FBXL13: variants seen among roughly 807,000 people sequenced by gnomAD.
FBXL13 encodes F-box and leucine rich repeat protein 13.
FBXL13 carries 67 observed loss-of-function variants against 83.6 expected under a neutral mutation model. The ratio of observed to expected loss-of-function variants is 0.80; its 90% CI spans 0.66 to 0.98. The LOEUF (loss-of-function observed/expected upper bound fraction) is 0.98, where lower values mean the gene tolerates loss of function less well. Among genes scored for constraint, FBXL13 ranks in the 50% least tolerant of loss-of-function variants. The pLI is 0.00. For missense variants in FBXL13, 822 were observed against 866.5 expected (o/e 0.95, Z 0.64); for synonymous variants, 272 against 299.5 (o/e 0.91, Z 0.95).
At position 103,020,783 on chromosome 7, in the gene FBXL13, G is replaced by T. The variant is rs542004016; in HGVS notation, c.495+4280C>A. 5.4e-4 allele frequency among the ~76,000 whole-genome samples: 82 copies of T among 152,322 alleles called. 1 individual carries two copies. The South Asian group carries it at 0.016, about 30-fold the overall frequency. ...TAGGAATCCAACTTACAAGAAATGT[G>T]AAGGACCTCTTCGAGGAGAACTACA... On this transcript the variant is annotated intron_variant, in intron 6 of 19. Coordinates refer to ENST00000313221, the Ensembl canonical transcript of FBXL13.
intron 2 of FBXL13, among the ~76,000 whole-genome samples, chr7:103,049,645 G>A (rs1796609282): frequency 6.6e-6 from 1 of 152,148 alleles, no homozygotes; most frequent in South Asian, 2.1e-4. Context: ...AAGGATCTCT[G>A]GTGCCTCCTG....
chr7:102,888,416 A>G (rs1811083228), intron 11 of FBXL13, among the ~76,000 whole-genome samples: 1 of 152,218 alleles, frequency 6.6e-6, no homozygotes, highest in Non-Finnish European at 1.5e-5. Flanking sequence ...GCACACGCCT[A>G]TAGTCCCAGC....
Position 102,973,542 on chromosome 7 carries a change from G to A in FBXL13, c.496-5425C>T, listed in dbSNP as rs368561576. The A allele has an allele frequency of 3.3e-5, 25 of 764,576 alleles. No individual in the cohort carries two copies. In the African/African-American group the frequency reaches 4.1e-4, roughly 12 times the overall value. 47.4% of individuals were successfully genotyped at this position (764,576 alleles called of 1,614,324 possible). On this transcript the variant is annotated intron_variant, in intron 6 of 19. Transcript: ENST00000313221. Reference sequence around the variant, plus strand: ...CTGCACCCAGGCGCTCATTAAAACAGCAGGTTGCTCCACACTGCCTCGTGT... The same window carrying A: ...CTGCACCCAGGCGCTCATTAAAACAACAGGTTGCTCCACACTGCCTCGTGT...
intron 14 of FBXL13, 95 bp downstream of exon 15, chr7:102,883,210 A>C: frequency 4.0e-6 from 5 of 1,246,982 alleles, no homozygotes; most frequent in Non-Finnish European, 5.5e-6. Context: ...CTTGACTTTC[A>C]TGTTTACCCC....
chr7:102,999,124 T>TA (rs1291800792), intron 6 of FBXL13, among the ~76,000 whole-genome samples: 2 of 152,110 alleles, frequency 1.3e-5, no homozygotes, highest in African/African-American at 4.8e-5. Flanking sequence ...GTTTTTTTTT[T>TA]ATCATAAAAG....
chr7:103,039,609 C>T (rs1585501223), intron 2 of FBXL13, among the ~76,000 whole-genome samples: 1 of 152,046 alleles, frequency 6.6e-6, no homozygotes, highest in Non-Finnish European at 1.5e-5. Context: ...GGAAGCACAT[C>T]AGACTAACAG....
At chr7:103,020,108 T>C (rs944251956) in intron 6 of FBXL13, among the ~76,000 whole-genome samples, 5 of 152,116 alleles carry the variant, frequency 3.3e-5, no homozygotes, top group African/African-American at 1.2e-4. Context: ...CAGCAGCATA[T>C]CAAAAAGCTT....
chr7:102,978,018 G>A (rs1001697110), intron 6 of FBXL13, among the ~76,000 whole-genome samples: 48 of 152,056 alleles, frequency 3.2e-4, no homozygotes, highest in Admixed American at 2.4e-3. Context: ...TAATGGGTGC[G>A]GCACACCAAC....
chr7:103,003,351 G>C (rs1033818256), intron 6 of FBXL13, among the ~76,000 whole-genome samples: 1 of 131,252 alleles, frequency 7.6e-6, no homozygotes, highest in African/African-American at 2.9e-5. Flanking sequence ...GCAGTGGTGT[G>C]ATCTCGGCTC....
intron 11 of FBXL13, among the ~76,000 whole-genome samples, chr7:102,901,082 G>C (rs768785650): frequency 7.9e-5 from 12 of 152,190 alleles, no homozygotes; most frequent in African/African-American, 2.9e-4. Flanking sequence ...GGTCCATCTC[G>C]AGGGAGGGAG....
chr7:102,937,599 AT>A (rs1820582142), intron 8 of FBXL13, among the ~76,000 whole-genome samples: 3 of 151,580 alleles, frequency 2.0e-5, no homozygotes, highest in Non-Finnish European at 4.4e-5. Context: ...CTAGTGATTC[AT>A]TTCATCATTT....
At chr7:102,939,508 G>A (rs1820982377) in intron 8 of FBXL13, 4 of 1,613,674 alleles carry the variant, frequency 2.5e-6, no homozygotes, top group African/African-American at 1.3e-5. Flanking sequence ...AACCAACTTC[G>A]ACCCAAGGAA....
At chr7:103,052,914 G>A (rs1796971156) in intron 2 of FBXL13, among the ~76,000 whole-genome samples, 1 of 151,786 alleles carries the variant, frequency 6.6e-6, no homozygotes, top group African/African-American at 2.4e-5. Flanking sequence ...CCGCCACCAC[G>A]CCCAGCTAAT....
intron 6 of FBXL13, among the ~76,000 whole-genome samples, chr7:103,017,448 G>A (rs1049964105): frequency 7.2e-5 from 11 of 152,178 alleles, no homozygotes; most frequent in Admixed American, 2.6e-4. Context: ...GCAGCTCCTC[G>A]CCAGGAACAG....
intron 8 of FBXL13, chr7:102,934,273 T>C (rs1819824780): frequency 6.2e-7 from 1 of 1,614,174 alleles, no homozygotes; most frequent in African/African-American, 1.3e-5. Flanking sequence ...TCTCTAAAAT[T>C]GAGAGTGAGG....
chr7:102,874,469 A>G, intron 16 of FBXL13: 1 of 473,922 alleles, frequency 2.1e-6, no homozygotes, highest in Non-Finnish European at 2.8e-6. Context: ...CCCCATAGAT[A>G]TCCATTTACA....
intron 6 of FBXL13, among the ~76,000 whole-genome samples, chr7:102,986,463 G>C (rs567147089): frequency 6.6e-6 from 1 of 152,290 alleles, no homozygotes; most frequent in South Asian, 2.1e-4. Flanking sequence ...TTGAGGCCAT[G>C]GTCCCTGTGC....
intron 11 of FBXL13, among the ~76,000 whole-genome samples, chr7:102,885,110 T>C (rs1273624008): frequency 6.6e-6 from 1 of 152,230 alleles, no homozygotes; most frequent in Admixed American, 6.5e-5. Context: ...ATCTATTTGT[T>C]TGAATATCAG....
chr7:102,888,580 G>A (rs1811105549), intron 11 of FBXL13, among the ~76,000 whole-genome samples: 1 of 152,164 alleles, frequency 6.6e-6, no homozygotes, highest in Non-Finnish European at 1.5e-5. Flanking sequence ...GTAAGCACAA[G>A]TGGAGGCAAA....
Sources: allele counts gnomAD v4.1 joint callset (sites outside exome capture counted in the v4.1 genomes callset), GRCh38; gene constraint gnomAD v4.1.1; transcripts MANE v1.5; gene names NCBI Gene and HGNC (gene_info 2026-07-23, HGNC 2026-07-21).